The following TSC2 variants were observed in gnomAD, a reference collection of about 807,000 sequenced individuals.
TSC2 encodes the protein TSC complex subunit 2, also known as tuberin.
In TSC2, 29 loss-of-function variants were observed where a neutral mutation model predicts 202.2. The observed-to-expected ratio is 0.14, with a 90% CI of 0.11 to 0.20. The LOEUF is 0.20. TSC2 is among the 10% of genes least tolerant of loss of function. The pLI is 1.00. For missense variants in TSC2, 2,429 were observed against 2,420.0 expected (o/e 1.00, Z -0.08); for synonymous variants, 1,349 against 1,044.0 (o/e 1.29, Z -5.63).
chr16:2,070,900 G>GAGGGCTGGGCAGGTGGGCGGCACAGGGC (rs2088225080), intron 17 of TSC2, among the ~76,000 whole-genome samples: 1 of 152,218 alleles, frequency 6.6e-6, no homozygotes, highest in African/African-American at 2.4e-5. Context: ...ACCTGCAGCA[G>GAGGGCTGGGCAGGTGGGCGGCACAGGGC]AGGGCTGGGC....
At chr16:2,087,580 G>A (rs778685349) in intron 38 of TSC2, among the ~76,000 whole-genome samples, 3 of 152,080 alleles carry the variant, frequency 2.0e-5, no homozygotes, top group Non-Finnish European at 2.9e-5. Flanking sequence ...GGATTCGGAC[G>A]TGTGGCTGCA....
rs952852453 is a variant in TSC2 at position 2,050,313 on chromosome 16, T to C, written c.139-87T>C. 4.9e-6 allele frequency: 6 copies of C among 1,217,596 alleles called. No homozygotes were observed. The African/African-American group carries it at 6.0e-5, about 12-fold the overall frequency. The allele number at this position is 1,217,596 out of a possible 1,614,324, so 75.4% of individuals were successfully genotyped here. On this transcript the variant is annotated intron_variant, in intron 2 of 41. Coordinates refer to ENST00000219476, the MANE Select transcript of TSC2 (RefSeq NM_000548.5). ...TAAGTCTCTAGTCTGGAAAATGCAG[T>C]GGGAGTCTTTAGGTGGTTTGTGACT...
At chr16:2,077,434 T>C in intron 25 of TSC2, 164 bp from the exon 26 acceptor site, 1 of 987,152 alleles carries the variant, frequency 1.0e-6, no homozygotes, top group Non-Finnish European at 1.5e-6. Flanking sequence ...TCTTCCCCGC[T>C]AACTGCCCTT....
chr16:2,064,820 A>G (rs1255177781), intron 15 of TSC2: 3 of 323,950 alleles, frequency 9.3e-6, no homozygotes, highest in Non-Finnish European at 1.8e-5. Context: ...GCTTTTGAGC[A>G]ATAAAGATGA....
intron 16 of TSC2, among the ~76,000 whole-genome samples, chr16:2,065,881 C>T (rs1024283896): frequency 6.6e-6 from 1 of 152,212 alleles, no homozygotes; most frequent in Non-Finnish European, 1.5e-5. Flanking sequence ...GGGCCGGAAC[C>T]ATGTACCATC....
intron 38 of TSC2, chr16:2,087,154 C>T (rs190929068): frequency 2.8e-4 from 141 of 501,240 alleles, no homozygotes; most frequent in South Asian, 6.1e-4. Flanking sequence ...CCTGTCTGTC[C>T]GGCGCGGCCC....
intron 16 of TSC2, among the ~76,000 whole-genome samples, chr16:2,069,861 C>T (rs565167342): frequency 6.6e-6 from 1 of 152,310 alleles, no homozygotes; most frequent in South Asian, 2.1e-4. Flanking sequence ...GATCCACCCA[C>T]TTCAGCCTCC....
intron 3 of TSC2, among the ~76,000 whole-genome samples, chr16:2,051,774 G>A (rs1313197541): frequency 6.6e-6 from 1 of 152,276 alleles, no homozygotes; most frequent in East Asian, 1.9e-4. Flanking sequence ...GTAAAGAACA[G>A]GTGTCCTTAG....
chr16:2,064,001 C>T, intron 14 of TSC2: 1 of 542,274 alleles, frequency 1.8e-6, no homozygotes, highest in Non-Finnish European at 3.3e-6. Flanking sequence ...CTCACCTCGG[C>T]TGCTCCTTGT....
At chr16:2,085,808 C>T (rs1485131559) in intron 36 of TSC2, among the ~76,000 whole-genome samples, 2 of 151,952 alleles carry the variant, frequency 1.3e-5, no homozygotes, top group Non-Finnish European at 2.9e-5. Flanking sequence ...GCCTGGGCTG[C>T]TTCTGAGCAG....
intron 33 of TSC2, 99 bp downstream of exon 33, chr16:2,083,915 T>A: frequency 6.7e-7 from 1 of 1,490,118 alleles, no homozygotes. Flanking sequence ...GAACTGGCTC[T>A]GAACTTGGGG....
chr16:2,063,142 G>A (rs1029532096), intron 14 of TSC2, 89 bp downstream of exon 14: 17 of 1,463,852 alleles, frequency 1.2e-5, no homozygotes, highest in African/African-American at 1.4e-5. Flanking sequence ...CCGCAGAGCC[G>A]GGCTCTGCCT....
intron 30 of TSC2, 29 bp from the exon 31 acceptor site, chr16:2,081,566 T>C (rs2151480029): frequency 6.2e-7 from 1 of 1,612,768 alleles, no homozygotes; most frequent in Admixed American, 1.7e-5. Flanking sequence ...GGTACTGGCC[T>C]CAGGCCAAAG....
chr16:2,076,723 C>A, intron 25 of TSC2, 138 bp downstream of exon 25: 2 of 870,042 alleles, frequency 2.3e-6, no homozygotes, highest in Non-Finnish European at 3.6e-6. Context: ...CAGGGCAGGA[C>A]CTGCAAGGGC....
chr16:2,063,407 C>T lies in TSC2; in HGVS notation c.1443+354C>T, dbSNP rs150233659. On this transcript the variant is annotated intron_variant, in intron 14 of 41. Coordinates refer to ENST00000219476, the MANE Select transcript of TSC2 (RefSeq NM_000548.5). ...TGTCTTCCGTTTCAGTCCTGACGTT[C>T]ACCCTGTGCACCTGCGTGATCGCCA... 9 of 423,452 alleles carry T rather than the reference C, an allele frequency of 2.1e-5. No homozygotes were observed. In the East Asian group the frequency reaches 4.5e-4, roughly 21 times the overall value. The allele number at this position is 423,452 out of a possible 1,614,324, so 26.2% of individuals were successfully genotyped here.
Position 2,074,202 on chromosome 16 carries a change from C to T in TSC2, c.2358C>T (p.Arg786=), listed in dbSNP as rs372834284. Residue 786 remains arginine (R), a splice_region_variant and synonymous_variant, in exon 22 of 42, where the codon CGC becomes CGT. Coordinates refer to ENST00000219476, the MANE Select transcript of TSC2 (RefSeq NM_000548.5). The part of the protein sequence containing the change: ...YHNYLDKTKQ[R]EMVYCLEQGL... ...CTGAGGTGTCCTGTCTCCTGCAGCGCGAGATGGTCTACTGCCTGGAGCAGG... is the reference window on the plus strand; with the variant it reads ...CTGAGGTGTCCTGTCTCCTGCAGCGTGAGATGGTCTACTGCCTGGAGCAGG... The T allele has an allele frequency of 8.1e-6, 13 of 1,611,036 alleles. No homozygotes were observed. Among genetic ancestry groups the T allele is most frequent in the Middle Eastern group, 2.1e-4 (1 of 4,826 alleles).
At chr16:2,087,048 C>G (rs1241151551) in intron 38 of TSC2, 177 bp downstream of exon 38, 1 of 954,592 alleles carries the variant, frequency 1.0e-6, no homozygotes, top group Admixed American at 2.3e-5. Flanking sequence ...GTCCTCTGTG[C>G]CCTGAAGCCT....
chr16:2,088,966 C>T lies in TSC2; in HGVS notation c.*356C>T, dbSNP rs1312193120. 7 of 325,792 alleles carry T rather than the reference C, an allele frequency of 2.1e-5. No individual in the cohort carries two copies. The East Asian group carries it at 4.5e-4, about 21-fold the overall frequency. 20.2% of individuals were successfully genotyped at this position (325,792 alleles called of 1,614,324 possible). On this transcript the variant is annotated 3_prime_UTR_variant, in exon 42 of 42. Transcript: ENST00000219476. The stretch of plus-strand genomic sequence containing the variant: ...CTTTTCCTCTAACCACCCTGGGGTC[C>T]TCTGACATGCCTAGTCCTGCTACTT...
intron 16 of TSC2, among the ~76,000 whole-genome samples, chr16:2,069,218 G>A (rs1596329891): frequency 6.6e-6 from 1 of 152,350 alleles, no homozygotes; most frequent in South Asian, 2.1e-4. Flanking sequence ...GGGGGTGCCA[G>A]GCACTGTGTG....
Sources: gnomAD v4.1 joint callset for allele counts (sites outside exome capture counted in the v4.1 genomes callset) on GRCh38, gnomAD v4.1.1 for gene constraint, MANE v1.5 for transcripts, NCBI Gene and HGNC (gene_info 2026-07-23, HGNC 2026-07-21) for gene names.